CCNE1: variants seen among roughly 807,000 people sequenced by gnomAD.
CCNE1 encodes the protein G1/S-specific cyclin-E1.
In CCNE1, 8 loss-of-function variants were observed where a neutral mutation model predicts 54.1. The ratio of observed to expected loss-of-function variants is 0.15; its 90% CI spans 0.09 to 0.27. The LOEUF (loss-of-function observed/expected upper bound fraction) is 0.27. Among genes scored for constraint, CCNE1 ranks in the 10% least tolerant of loss-of-function variants. The probability of loss-of-function intolerance (pLI) is 1.00; values close to 1 mark genes in which losing one functional copy is unlikely to be tolerated. For synonymous variants in CCNE1, 179 were observed against 185.2 expected, an observed-to-expected ratio of 0.97 and a Z score of 0.27; for missense variants, 430 against 514.9, an observed-to-expected ratio of 0.84 and a Z score of 1.60.
At position 29,821,771 on chromosome 19, in the gene CCNE1, C is replaced by T. The variant is rs1245069996; in HGVS notation, c.659C>T (p.Ala220Val). 4 of 1,613,322 alleles carry T rather than the reference C, an allele frequency of 2.5e-6. No individual in the cohort carries two copies. Among genetic ancestry groups the T allele is most frequent in the Admixed American group, 1.7e-5 (1 of 60,000 alleles). Residue 220 changes from alanine to valine, a missense_variant, in exon 8 of 12, where the codon GCT becomes GTT. Coordinates refer to ENST00000262643, the MANE Select transcript of CCNE1 (RefSeq NM_001238.4). The part of the protein sequence containing the change: ...LHQFAYVTDG[A>V]CSGDEILTME... ...CAGTTTGCGTATGTGACAGATGGAG[C>T]TTGTTCAGGAGATGAAATTCTCACC...
Position 29,823,878 on chromosome 19 carries a change from T to G in CCNE1, c.*101T>G. The G allele has an allele frequency of 8.0e-7, 1 of 1,244,198 alleles. No homozygotes were observed. Among genetic ancestry groups the G allele is most frequent in the Non-Finnish European group, 1.1e-6 (1 of 913,612 alleles). 77.1% of individuals were successfully genotyped at this position (1,244,198 alleles called of 1,614,324 possible). A position where few individuals can be genotyped will look rare whatever the true frequency, so the allele number is the denominator to read the frequency against. ...GCGTTTGCTTTTACAGATATCTGAA[T>G]GGAAGAGTGTTTCTTCCACAACAGA... On this transcript the variant is annotated 3_prime_UTR_variant, in exon 12 of 12. Coordinates refer to ENST00000262643, the MANE Select transcript of CCNE1 (RefSeq NM_001238.4).
At chr19:29,816,565 G>A (rs1974020911) in intron 4 of CCNE1, among the ~76,000 whole-genome samples, 3 of 152,126 alleles carry the variant, frequency 2.0e-5, no homozygotes, top group Admixed American at 1.3e-4. Context: ...TTTGTTTCGA[G>A]TTAAGGAAAA....
chr19:29,820,223 T>G (rs1974117029), intron 6 of CCNE1, among the ~76,000 whole-genome samples: 1 of 152,138 alleles, frequency 6.6e-6, no homozygotes, highest in African/African-American at 2.4e-5. Context: ...CAGGTGAGGG[T>G]GGGACAGGCC....
intron 6 of CCNE1, 68 bp downstream of exon 6, chr19:29,817,609 A>T (rs1568368976): frequency 6.4e-7 from 1 of 1,552,596 alleles, no homozygotes; most frequent in Non-Finnish European, 8.9e-7. Flanking sequence ...GTGTATTAGG[A>T]CCTCTGTGTG....
chr19:29,814,964 A>C (rs1973977550), intron 4 of CCNE1, among the ~76,000 whole-genome samples: 1 of 152,184 alleles, frequency 6.6e-6, no homozygotes, highest in Non-Finnish European at 1.5e-5. Flanking sequence ...TGGTATGAGG[A>C]GTTGGAGTGG....
chr19:29,814,386 A>T (rs1021091638), intron 4 of CCNE1, among the ~76,000 whole-genome samples: 14 of 152,108 alleles, frequency 9.2e-5, no homozygotes, highest in African/African-American at 3.4e-4. Flanking sequence ...GTTCTCAAGG[A>T]TAGCCTGAGC....
At position 29,812,537 on chromosome 19, in the gene CCNE1, A is replaced by G; in HGVS notation, c.-19A>G. 1.4e-6 allele frequency: 2 copies of G among 1,424,930 alleles called. No homozygotes were observed. The highest frequency in any genetic ancestry group is 3.0e-5 in the South Asian group (2 of 66,684). 88.3% of individuals were successfully genotyped at this position (1,424,930 alleles called of 1,614,324 possible). On this transcript the variant is annotated 5_prime_UTR_variant, in exon 2 of 12. Coordinates refer to ENST00000262643, the MANE Select transcript of CCNE1 (RefSeq NM_001238.4). The stretch of plus-strand genomic sequence containing the variant: ...CACCCCGCGCCGCCCCGCAGGCCTC[A>G]GGCCGGAGCAGCCCCATCATGCCGA...
chr19:29,817,018 C>T (rs1974032412), intron 4 of CCNE1, 119 bp from the exon 5 acceptor site: 2 of 1,000,478 alleles, frequency 2.0e-6, no homozygotes, highest in South Asian at 1.8e-5. Flanking sequence ...TTTTTGGAAG[C>T]ACTTTCAGAA....
chr19:29,812,540 C>G lies in CCNE1; in HGVS notation c.-16C>G. The stretch of plus-strand genomic sequence containing the variant: ...CCCGCGCCGCCCCGCAGGCCTCAGG[C>G]CGGAGCAGCCCCATCATGCCGAGGG... On this transcript the variant is annotated 5_prime_UTR_variant, in exon 2 of 12. Coordinates refer to ENST00000262643, the MANE Select transcript of CCNE1 (RefSeq NM_001238.4). 2.7e-6 allele frequency: 4 copies of G among 1,462,936 alleles called. No individual in the cohort carries two copies. In the South Asian group the frequency reaches 4.1e-5, roughly 15 times the overall value. The allele number at this position is 1,462,936 out of a possible 1,614,324, so 90.6% of individuals were successfully genotyped here.
At chr19:29,812,222 G>T in intron 1 of CCNE1, 70 bp downstream of exon 1, 1 of 155,766 alleles carries the variant, frequency 6.4e-6, no homozygotes, top group South Asian at 1.9e-4. Context: ...GCTGGGTGGG[G>T]GCGGGGTGCG....
At chr19:29,822,657 A>C (rs1568371744) in intron 11 of CCNE1, 54 bp downstream of exon 11, 2 of 1,556,860 alleles carry the variant, frequency 1.3e-6, no homozygotes, top group East Asian at 4.5e-5. Flanking sequence ...AAAACTGCCT[A>C]AATAGGCCAG....
chr19:29,818,822 G>A (rs1227404894), intron 6 of CCNE1, among the ~76,000 whole-genome samples: 1 of 150,922 alleles, frequency 6.6e-6, no homozygotes, highest in Admixed American at 6.6e-5. Context: ...GCATGCAATG[G>A]TGTGATCTTG....
rs1350281254 is a variant in CCNE1, at chr19:29,822,234, C to T, written c.841-6C>T. 12 of 1,612,614 alleles carry T rather than the reference C, an allele frequency of 7.4e-6. No homozygotes were observed. The highest frequency in any genetic ancestry group is 4.5e-5 in the East Asian group (2 of 44,888). ...ATCCATCTCAGCGTTCTTTTCTTCT[C>T]CGTAGCTGTTGGATCTCTGTGTCCT... is the stretch of plus-strand genomic sequence containing the variant. On this transcript the variant is annotated splice_polypyrimidine_tract_variant and splice_region_variant and intron_variant, in intron 9 of 11. Coordinates refer to ENST00000262643, the MANE Select transcript of CCNE1 (RefSeq NM_001238.4).
rs3218042 is a variant in CCNE1 at position 29,816,431 on chromosome 19, T to A, written c.181-706T>A. On this transcript the variant is annotated intron_variant, in intron 4 of 11. Coordinates refer to ENST00000262643, the MANE Select transcript of CCNE1 (RefSeq NM_001238.4). ...TCCTTATTTTATCAGGTATTTGAAT[T>A]ACCCTGCAAGACTCAGGAGATTCAG... is the stretch of plus-strand genomic sequence containing the variant. 0.013 allele frequency among the ~76,000 whole-genome samples: 1,994 copies of A among 152,288 alleles called. 108 individuals carry two copies. The East Asian group carries it at 0.13, about 10-fold the overall frequency.
chr19:29,823,835 CTGTT>C lies in CCNE1; in HGVS notation c.*59_*62del. The C allele has an allele frequency of 6.5e-7, 1 of 1,526,878 alleles. No homozygotes were observed. Among genetic ancestry groups the C allele is most frequent in the Non-Finnish European group, 8.8e-7 (1 of 1,131,538 alleles). The allele number at this position is 1,526,878 out of a possible 1,614,324, so 94.6% of individuals were successfully genotyped here. ...GCGCCTGCTCCACGTTCTCTTCTGT[CTGTT>C]GCAGCGGAGGCGTGCGTTTGCTTTT... On this transcript the variant is annotated 3_prime_UTR_variant, in exon 12 of 12. Transcript: ENST00000262643.
chr19:29,813,671 C>T (rs1030617265), intron 4 of CCNE1, among the ~76,000 whole-genome samples: 68 of 139,702 alleles, frequency 4.9e-4, no homozygotes, highest in Non-Finnish European at 8.6e-4. Flanking sequence ...TAGGTGGTGT[C>T]TCAATACATT....
At chr19:29,823,292 CCAG>C (rs1974194645) in intron 11 of CCNE1, among the ~76,000 whole-genome samples, 1 of 151,932 alleles carries the variant, frequency 6.6e-6, no homozygotes, top group South Asian at 2.1e-4. Context: ...GTCTGTAGTC[CCAG>C]CACTTTGGGA....
At chr19:29,813,196 G>A in intron 4 of CCNE1, 159 bp downstream of exon 4, 1 of 637,110 alleles carries the variant, frequency 1.6e-6, no homozygotes, top group Non-Finnish European at 2.7e-6. Context: ...CTGTCAGTGG[G>A]CACTGGCCTC....
At chr19:29,818,262 G>A (rs141565692) in intron 6 of CCNE1, among the ~76,000 whole-genome samples, 2,993 of 152,190 alleles carry the variant, frequency 0.02, 37 homozygotes, top group Middle Eastern at 0.044. Context: ...TCCTGACCTC[G>A]TGGTTTGCCC....
Sources: gnomAD v4.1 joint callset for allele counts (sites outside exome capture counted in the v4.1 genomes callset) on GRCh38, gnomAD v4.1.1 for gene constraint, MANE v1.5 for transcripts, NCBI Gene and HGNC (gene_info 2026-07-23, HGNC 2026-07-21) for gene names.